The following ADGRV1 variants were observed in gnomAD, a reference collection of about 807,000 sequenced individuals.
ADGRV1 encodes adhesion G protein-coupled receptor V1.
ADGRV1 carries 359 observed loss-of-function variants against 596.2 expected under a neutral mutation model. The observed-to-expected ratio is 0.60, with a 90% CI of 0.55 to 0.66. The LOEUF (loss-of-function observed/expected upper bound fraction) is 0.66. Ranked by LOEUF, ADGRV1 falls within the 30% of genes least tolerant of loss-of-function variation. The pLI, the probability that ADGRV1 is intolerant of heterozygous loss-of-function variation, is 0.00. For missense variants in ADGRV1, 7,274 were observed against 7,575.6 expected, an observed-to-expected ratio of 0.96 and a Z score of 1.48; for synonymous variants, 2,681 against 2,679.2, an observed-to-expected ratio of 1.00 and a Z score of -0.02.
intron 83 of ADGRV1, among the ~76,000 whole-genome samples, chr5:90,898,760 C>A (rs1018813453): frequency 6.6e-6 from 1 of 151,968 alleles, no homozygotes; most frequent in African/African-American, 2.4e-5. Flanking sequence ...GCCTATGAAA[C>A]ATAGTGAGAC....
intron 85 of ADGRV1, among the ~76,000 whole-genome samples, chr5:91,018,413 A>G (rs1783352747): frequency 6.6e-6 from 1 of 151,956 alleles, no homozygotes; most frequent in African/African-American, 2.4e-5. Flanking sequence ...GCATAGTGGG[A>G]GAGAGGTTTT....
chr5:90,954,281 A>G (rs115077863), intron 83 of ADGRV1, among the ~76,000 whole-genome samples: 2,580 of 151,070 alleles, frequency 0.017, 68 homozygotes, highest in African/African-American at 0.058. Flanking sequence ...TTTGATTTGT[A>G]TATATGTGCT....
chr5:90,655,115 C>T (rs573578515), intron 20 of ADGRV1: 1 of 152,236 alleles, frequency 6.6e-6, no homozygotes, highest in East Asian at 1.9e-4. Flanking sequence ...ATTTTTAAAA[C>T]TTAAATTCAT....
chr5:91,070,650 G>A (rs1788307992), intron 85 of ADGRV1, among the ~76,000 whole-genome samples: 2 of 152,250 alleles, frequency 1.3e-5, no homozygotes, highest in South Asian at 4.2e-4. Flanking sequence ...TGGATGTTAT[G>A]TTCCATAAGT....
intron 1 of ADGRV1, among the ~76,000 whole-genome samples, chr5:90,600,955 G>A (rs1317956074): frequency 2.6e-5 from 4 of 151,626 alleles, no homozygotes; most frequent in Non-Finnish European, 5.9e-5. Flanking sequence ...GGGAAAACCC[G>A]GCCGAGCGCA....
At chr5:91,035,861 T>TATATAATATATATATATTTATATATA in intron 85 of ADGRV1, among the ~76,000 whole-genome samples, 1 of 96,402 alleles carries the variant, frequency 1.0e-5, no homozygotes, top group Non-Finnish European at 2.2e-5. Flanking sequence ...TATATATATA[T>TATATAATATATATATATTTATATATA]TATATATATA....
chr5:91,018,481 A>G (rs1207298564), intron 85 of ADGRV1, among the ~76,000 whole-genome samples: 1 of 151,986 alleles, frequency 6.6e-6, no homozygotes, highest in African/African-American at 2.4e-5. Context: ...GTTACACAGT[A>G]TCTTGACCTC....
At chr5:91,105,522 G>A (rs1791784206) in intron 87 of ADGRV1, among the ~76,000 whole-genome samples, 1 of 152,170 alleles carries the variant, frequency 6.6e-6, no homozygotes, top group South Asian at 2.1e-4. Context: ...TTTGATGATA[G>A]TCATCCTAAC....
chr5:90,909,625 A>G (rs190700299), intron 83 of ADGRV1, among the ~76,000 whole-genome samples: 26 of 105,564 alleles, frequency 2.5e-4, no homozygotes, highest in Non-Finnish European at 6.0e-4. Context: ...ACGCAAAAAG[A>G]AAAAAAAGAG....
Position 90,721,000 on chromosome 5 carries a change from G to A in ADGRV1, c.9689G>A (p.Gly3230Asp). The A allele has an allele frequency of 1.2e-6, 2 of 1,612,604 alleles. No individual in the cohort carries two copies. Among genetic ancestry groups the A allele is most frequent in the Non-Finnish European group, 1.7e-6 (2 of 1,179,002 alleles). ...TVYLNVSRTN[G>D]IDLAVSVQWE... ...TATTTAAATGTATCTCGAACTAATG[G>A]CATTGATTTGGCTGTGAGTGTGCAG... Residue 3230 changes from glycine (G) to aspartate (D), a missense_variant, in exon 45 of 90, where the codon GGC (glycine) becomes GAC (aspartate). By Grantham distance (94) the Gly-to-Asp change is moderately conservative (BLOSUM62 -1). Coordinates refer to ENST00000405460, the MANE Select transcript of ADGRV1 (RefSeq NM_032119.4).
chr5:90,621,427 A>G (rs1764052176), intron 4 of ADGRV1, among the ~76,000 whole-genome samples: 1 of 152,208 alleles, frequency 6.6e-6, no homozygotes, highest in Admixed American at 6.5e-5. Context: ...ACTGTCATTT[A>G]CAGACATTAA....
chr5:91,075,915 C>T (rs1004882129), intron 86 of ADGRV1, among the ~76,000 whole-genome samples: 1 of 152,108 alleles, frequency 6.6e-6, no homozygotes, highest in Admixed American at 6.6e-5. Context: ...ACATGCCAAT[C>T]TATTTACTTT....
intron 59 of ADGRV1, among the ~76,000 whole-genome samples, chr5:90,768,671 CCTT>C (rs1757391541): frequency 6.6e-6 from 1 of 152,150 alleles, no homozygotes; most frequent in Admixed American, 6.5e-5. Context: ...AGGGCAAAGT[CCTT>C]CTTTCCTATT....
chr5:91,124,203 T>G lies in ADGRV1; in HGVS notation c.18432+21863T>G, dbSNP rs181142641. 9.2e-5 allele frequency among the ~76,000 whole-genome samples: 14 copies of G among 152,300 alleles called. No homozygotes were observed. The East Asian group carries it at 2.7e-3, about 29-fold the overall frequency. Reference sequence around the variant, plus strand: ...TATTAATTCTGAGTACCATTATTCATTACAGTGAGTTCCATCACATTACTA... The same window carrying G: ...TATTAATTCTGAGTACCATTATTCAGTACAGTGAGTTCCATCACATTACTA... On this transcript the variant is annotated intron_variant, in intron 87 of 89. Coordinates refer to ENST00000405460, the MANE Select transcript of ADGRV1 (RefSeq NM_032119.4).
Position 90,696,925 on chromosome 5 carries a change from A to T in ADGRV1, c.7946-12A>T, listed in dbSNP as rs1346507657. On this transcript the variant is annotated splice_polypyrimidine_tract_variant and intron_variant, in intron 33 of 89. Coordinates refer to ENST00000405460, the MANE Select transcript of ADGRV1 (RefSeq NM_032119.4). ...TGTTACTTTGGTTTTTATTCCATTG[A>T]TGTTTTTATAGGTGAAACCAAAAAG... The T allele has an allele frequency of 1.3e-6, 2 of 1,596,746 alleles. No individual in the cohort carries two copies.
rs1260920638 is a variant in ADGRV1 at position 90,788,246 on chromosome 5, T to C, written c.13829T>C (p.Ile4610Thr). 3.7e-6 allele frequency: 6 copies of C among 1,613,006 alleles called. No individual in the cohort carries two copies. The highest frequency in any genetic ancestry group is 5.1e-6 in the Non-Finnish European group (6 of 1,179,122). Reference protein sequence around the residue: ...EEIEVEETFIIKLHLVKGEAK... With the variant: ...EEIEVEETFITKLHLVKGEAK... ...ATTGAAGTTGAAGAGACATTCATTA[T>C]TAAACTTCATCTTGTGAAAGGAGAA... is the stretch of plus-strand genomic sequence containing the variant. Residue 4610 changes from isoleucine to threonine, a missense_variant, in exon 68 of 90, where the codon ATT becomes ACT. By Grantham distance (89) the Ile-to-Thr change is moderately conservative (BLOSUM62 -1). Transcript: ENST00000405460.
chr5:90,627,860 G>A (rs1203130254), intron 7 of ADGRV1, 84 bp downstream of exon 7: 1 of 742,664 alleles, frequency 1.3e-6, no homozygotes, highest in East Asian at 3.1e-5. Context: ...ACACAACAAT[G>A]AACTGTTAGA....
chr5:90,738,322 C>A (rs1213163803), intron 50 of ADGRV1, among the ~76,000 whole-genome samples: 1 of 151,942 alleles, frequency 6.6e-6, no homozygotes, highest in East Asian at 1.9e-4. Context: ...GTCTTTTAAA[C>A]CTGAGAGATA....
intron 1 of ADGRV1, among the ~76,000 whole-genome samples, chr5:90,596,916 T>G (rs1442842569): frequency 2.0e-5 from 3 of 152,148 alleles, no homozygotes; most frequent in African/African-American, 7.2e-5. Context: ...CTAAACACAC[T>G]TCTTAAAACA....
Sources: allele counts gnomAD v4.1 joint callset (sites outside exome capture counted in the v4.1 genomes callset), GRCh38; gene constraint gnomAD v4.1.1; transcripts MANE v1.5; gene names NCBI Gene and HGNC (gene_info 2026-07-23, HGNC 2026-07-21).